Variants in GSE1 observed in about 807,000 individuals in gnomAD.
GSE1 encodes the protein genetic suppressor element 1.
A neutral mutation model predicts 112.6 loss-of-function variants in GSE1; 32 were observed. That is an observed-to-expected ratio of 0.28 (90% CI 0.21 to 0.38). The LOEUF (loss-of-function observed/expected upper bound fraction) is 0.38, where lower values mean the gene tolerates loss of function less well. Ranked by LOEUF, GSE1 falls within the 10% of genes least tolerant of loss-of-function variation. GSE1 has a pLI of 1.00. For synonymous variants in GSE1, 1,115 were observed against 735.6 expected, an observed-to-expected ratio of 1.52 and a Z score of -8.35; for missense variants, 2,348 against 1,699.2, an observed-to-expected ratio of 1.38 and a Z score of -6.71.
chr16:85,353,880 C>T (rs1233663056), intron 1 of GSE1, among the ~76,000 whole-genome samples: 2 of 152,220 alleles, frequency 1.3e-5, no homozygotes, highest in Admixed American at 6.5e-5. Context: ...TCCTAGACCA[C>T]GAGCCCCTTG....
At chr16:85,544,590 G>C (rs1310942675) in intron 2 of GSE1, among the ~76,000 whole-genome samples, 1 of 152,226 alleles carries the variant, frequency 6.6e-6, no homozygotes, top group Non-Finnish European at 1.5e-5. Context: ...CCCAGCATGA[G>C]GGGAAAGACA....
exon 1 of GSE1, chr16:85,171,073 C>T (rs2074351933): frequency 4.1e-6 from 4 of 985,666 alleles, no homozygotes; most frequent in Non-Finnish European, 4.8e-6. Flanking sequence ...CAGCCTCCTG[C>T]CCTGCCCGCC....
intron 1 of GSE1, among the ~76,000 whole-genome samples, chr16:85,566,892 G>T (rs983440415): frequency 1.3e-5 from 2 of 152,216 alleles, no homozygotes; most frequent in African/African-American, 4.8e-5. Context: ...TGGAGGGGCC[G>T]CAGCGGAAGG....
intron 6 of GSE1, 60 bp from the exon 7 acceptor site, chr16:85,656,283 C>G: frequency 6.3e-7 from 1 of 1,588,080 alleles, no homozygotes; most frequent in Admixed American, 1.7e-5. Flanking sequence ...AAGGGCCTGC[C>G]CCAGGTCCGT....
At chr16:85,326,492 G>C (rs2046230424) in intron 1 of GSE1, among the ~76,000 whole-genome samples, 2 of 152,192 alleles carry the variant, frequency 1.3e-5, no homozygotes, top group South Asian at 4.1e-4. Context: ...ATTGGATCTT[G>C]GGGGCGTTTC....
intron 1 of GSE1, among the ~76,000 whole-genome samples, chr16:85,312,339 T>C (rs1411618824): frequency 6.6e-6 from 1 of 151,548 alleles, no homozygotes; most frequent in Non-Finnish European, 1.5e-5. Flanking sequence ...AGGCCAGGAG[T>C]CCACAGTCGA....
intron 1 of GSE1, among the ~76,000 whole-genome samples, chr16:85,242,750 C>G (rs1267679354): frequency 6.6e-6 from 1 of 152,156 alleles, no homozygotes; most frequent in African/African-American, 2.4e-5. Context: ...GGGGTGGAGC[C>G]TGGGCTTGGA....
intron 1 of GSE1, among the ~76,000 whole-genome samples, chr16:85,175,232 G>C (rs959692339): frequency 6.6e-6 from 1 of 152,204 alleles, no homozygotes; most frequent in Non-Finnish European, 1.5e-5. Flanking sequence ...TCCCCAGAGA[G>C]CACCATGCTC....
chr16:85,401,829 G>T (rs1181064373), intron 2 of GSE1, among the ~76,000 whole-genome samples: 1 of 152,216 alleles, frequency 6.6e-6, no homozygotes, highest in Non-Finnish European at 1.5e-5. Context: ...CACCATTCCT[G>T]ACGGGAATGT....
At chr16:85,627,154 T>C (rs2049150153) in intron 1 of GSE1, among the ~76,000 whole-genome samples, 1 of 121,482 alleles carries the variant, frequency 8.2e-6, no homozygotes, top group African/African-American at 3.2e-5. Flanking sequence ...GAAGCGGTGC[T>C]TTGTTACGGG....
intron 1 of GSE1, among the ~76,000 whole-genome samples, chr16:85,601,723 C>G (rs563119239): frequency 3.3e-5 from 5 of 152,308 alleles, no homozygotes; most frequent in African/African-American, 1.2e-4. Flanking sequence ...ATAAACACAA[C>G]AAGAGCCGCA....
chr16:85,391,764 AGGTCACTGGAGTAGATGCTTGTGG>A lies in GSE1; in HGVS notation c.2464+34124_2464+34147del, dbSNP rs566373236. 3.3e-5 allele frequency among the ~76,000 whole-genome samples: 5 copies of A among 152,314 alleles called. No homozygotes were observed. In the South Asian group the frequency reaches 1.0e-3, roughly 32 times the overall value. The stretch of plus-strand genomic sequence containing the variant: ...TTATTCAAGCTGACATGTGTGCCCA[AGGTCACTGGAGTAGATGCTTGTGG>A]GGCCTCACTGGCATGTCCCCCACCA... On this transcript the variant is annotated intron_variant, in intron 2 of 2. Transcript: ENST00000637419.
At chr16:85,296,371 G>A (rs1249765216) in intron 1 of GSE1, among the ~76,000 whole-genome samples, 6 of 152,150 alleles carry the variant, frequency 3.9e-5, no homozygotes, top group Admixed American at 2.6e-4. Flanking sequence ...TTGGGAGGCC[G>A]AGCTGGGTGG....
chr16:85,284,071 G>A (rs1372559138), intron 1 of GSE1, among the ~76,000 whole-genome samples: 3 of 152,318 alleles, frequency 2.0e-5, no homozygotes, highest in South Asian at 2.1e-4. Flanking sequence ...ATGCATGCCC[G>A]TGGCTGTGGC....
chr16:85,639,333 T>TCCCTGCCTCTCC (rs1204288076), intron 2 of GSE1, among the ~76,000 whole-genome samples: 1 of 152,060 alleles, frequency 6.6e-6, no homozygotes, highest in Non-Finnish European at 1.5e-5. Flanking sequence ...ACCGCCTCCC[T>TCCCTGCCTCTCC]CCCTGCCTCT....
chr16:85,192,042 G>A (rs564575677), intron 1 of GSE1, among the ~76,000 whole-genome samples: 53 of 152,362 alleles, frequency 3.5e-4, no homozygotes, highest in African/African-American at 1.2e-3. Context: ...AGATGTGAAG[G>A]AGGTAATGAA....
chr16:85,546,876 A>G (rs1430845867), intron 2 of GSE1, among the ~76,000 whole-genome samples: 1 of 152,230 alleles, frequency 6.6e-6, no homozygotes, highest in Non-Finnish European at 1.5e-5. Flanking sequence ...AGTTAGAGGT[A>G]GATCCTCAGG....
At chr16:85,302,502 G>C (rs1170467058) in intron 1 of GSE1, among the ~76,000 whole-genome samples, 2 of 151,174 alleles carry the variant, frequency 1.3e-5, no homozygotes, top group Non-Finnish European at 2.9e-5. Flanking sequence ...GGCTCTTCTT[G>C]ACAGTAGGAG....
chr16:85,630,327 TGACTGATGAAGACTTTATA>T (rs2049436487), intron 1 of GSE1, among the ~76,000 whole-genome samples: 1 of 152,198 alleles, frequency 6.6e-6, no homozygotes, highest in Non-Finnish European at 1.5e-5. Context: ...CTTGAAAGGA[TGACTGATGAAGACTTTATA>T]GACATTCTTT....
Sources: allele counts gnomAD v4.1 joint callset (sites outside exome capture counted in the v4.1 genomes callset), GRCh38; gene constraint gnomAD v4.1.1; transcripts MANE v1.5; gene names NCBI Gene and HGNC (gene_info 2026-07-23, HGNC 2026-07-21).